The following CPNE3 variants were observed in gnomAD, a reference collection of about 807,000 sequenced individuals.
CPNE3 encodes copine 3.
Under a neutral mutation model 63.9 loss-of-function variants are expected in CPNE3, and 68 were observed. That is an observed-to-expected ratio of 1.06 (90% CI 0.87 to 1.30). CPNE3 has a LOEUF of 1.30. CPNE3 is among the 50% of genes most tolerant of loss of function. The pLI, the probability that CPNE3 is intolerant of heterozygous loss-of-function variation, is 0.00. For synonymous variants in CPNE3, 219 were observed against 197.5 expected, an observed-to-expected ratio of 1.11 and a Z score of -0.91; for missense variants, 665 against 578.1, an observed-to-expected ratio of 1.15 and a Z score of -1.54.
At chr8:86,525,420 A>T (rs1820520786) in intron 2 of CPNE3, among the ~76,000 whole-genome samples, 1 of 152,164 alleles carries the variant, frequency 6.6e-6, no homozygotes, top group Non-Finnish European at 1.5e-5. Context: ...TCCAGACCCT[A>T]GTGTTTATGT....
At chr8:86,540,193 G>T (rs1377981142) in intron 7 of CPNE3, 52 bp from the exon 8 acceptor site, 11 of 1,110,396 alleles carry the variant, frequency 9.9e-6, no homozygotes, top group Non-Finnish European at 1.5e-5. Flanking sequence ...GGAGCAAAAT[G>T]TTAATGAACT....
chr8:86,522,140 T>C (rs1043419471), intron 2 of CPNE3, among the ~76,000 whole-genome samples: 1 of 152,152 alleles, frequency 6.6e-6, no homozygotes, highest in African/African-American at 2.4e-5. Context: ...TAGTGGAGTA[T>C]AGTTTTAATC....
At chr8:86,530,416 C>T (rs753938052) in intron 4 of CPNE3, among the ~76,000 whole-genome samples, 1 of 152,170 alleles carries the variant, frequency 6.6e-6, no homozygotes, top group Non-Finnish European at 1.5e-5. Context: ...GCAATCCTCC[C>T]ACCTCAGCTT....
intron 14 of CPNE3, among the ~76,000 whole-genome samples, chr8:86,554,492 T>A (rs1821266884): frequency 6.6e-6 from 1 of 152,234 alleles, no homozygotes; most frequent in Non-Finnish European, 1.5e-5. Context: ...CTTTCTTACC[T>A]TTCATCATCA....
rs1433609498 is a variant in CPNE3, at chr8:86,528,968, G to T, written c.156G>T (p.Lys52Asn). 1 of 1,613,390 alleles carries T rather than the reference G, an allele frequency of 6.2e-7. No homozygotes were observed. ...WYEVERTERIKNCLNPQFSKT... is the reference protein window; with the variant it reads ...WYEVERTERINNCLNPQFSKT... ...AGGTTGAGCGCACAGAAAGGATTAA[G>T]AATTGCTTGAATCCCCAATTTTCCA... The change falls in exon 4 of 17, where the codon AAG (lysine) becomes AAT (asparagine). Residue 52 changes from lysine to asparagine, a missense_variant. Transcript: ENST00000517490.
intron 7 of CPNE3, among the ~76,000 whole-genome samples, chr8:86,539,302 T>C (rs1040060512): frequency 7.2e-5 from 11 of 152,184 alleles, no homozygotes. Flanking sequence ...GTTCCCCTTG[T>C]ACTTTTTCTG....
At chr8:86,545,165 A>G (rs1219358870) in intron 9 of CPNE3, 1 of 162,666 alleles carries the variant, frequency 6.1e-6, no homozygotes, top group Non-Finnish European at 1.3e-5. Context: ...CAAGGCAAAC[A>G]CAATGCAGGC....
rs771281496 is a variant in CPNE3, at chr8:86,528,637, G to A, written c.92G>A (p.Cys31Tyr). ...ATAGGGTCAAAGTCAGACCCTTTAT[G>A]TGTGTTGTTTTTGAATACAAGTGGT... ...KDIGSKSDPL[C>Y]VLFLNTSGQQ... Residue 31 changes from cysteine (C) to tyrosine (Y), a missense_variant, in exon 3 of 17, where the codon TGT becomes TAT. Physicochemically the swap from Cys to Tyr is radical, Grantham distance 194. Transcript: ENST00000517490. The A allele has an allele frequency of 7.4e-6, 12 of 1,613,874 alleles. No homozygotes were observed. The highest frequency in any genetic ancestry group is 5.5e-5 in the South Asian group (5 of 91,030).
chr8:86,551,280 T>A, intron 14 of CPNE3, 46 bp downstream of exon 14: 2 of 1,242,718 alleles, frequency 1.6e-6, no homozygotes, highest in Non-Finnish European at 2.4e-6. Flanking sequence ...AAAGGCTCAC[T>A]AGTCTTTGTT....
intron 12 of CPNE3, among the ~76,000 whole-genome samples, chr8:86,550,481 TTTTA>T (rs1821149666): frequency 6.6e-6 from 1 of 152,188 alleles, no homozygotes; most frequent in African/African-American, 2.4e-5. Context: ...CATTATGGTG[TTTTA>T]TAATGGCGGA....
At chr8:86,521,171 A>G (rs796693077) in intron 2 of CPNE3, among the ~76,000 whole-genome samples, 3 of 152,296 alleles carry the variant, frequency 2.0e-5, no homozygotes, top group African/African-American at 7.2e-5. Flanking sequence ...AAGACGATCT[A>G]ATGGCACCTA....
intron 2 of CPNE3, among the ~76,000 whole-genome samples, chr8:86,524,191 T>C (rs1820491999): frequency 1.3e-5 from 2 of 152,272 alleles, no homozygotes; most frequent in South Asian, 2.1e-4. Flanking sequence ...AGAATCTCTA[T>C]GACATCTTTA....
chr8:86,521,133 T>C (rs1820427228), intron 2 of CPNE3, among the ~76,000 whole-genome samples: 1 of 152,218 alleles, frequency 6.6e-6, no homozygotes, highest in Non-Finnish European at 1.5e-5. Flanking sequence ...AAGTGCAGTA[T>C]ATTCCTGAGA....
intron 2 of CPNE3, among the ~76,000 whole-genome samples, chr8:86,524,087 G>A (rs1180732286): frequency 6.6e-6 from 1 of 152,214 alleles, no homozygotes; most frequent in African/African-American, 2.4e-5. Context: ...AGGCAGGTGA[G>A]AGATACAGAA....
At chr8:86,550,077 G>A (rs1248608352) in intron 12 of CPNE3, among the ~76,000 whole-genome samples, 1 of 152,232 alleles carries the variant, frequency 6.6e-6, no homozygotes, top group African/African-American at 2.4e-5. Flanking sequence ...TAAAGTTTTA[G>A]AAGAAAGTGT....
intron 4 of CPNE3, among the ~76,000 whole-genome samples, chr8:86,530,699 T>C (rs1820658018): frequency 6.6e-6 from 1 of 151,368 alleles, no homozygotes; most frequent in Admixed American, 6.6e-5. Flanking sequence ...GATTTTTTTT[T>C]TTTTTTTTTG....
intron 6 of CPNE3, 46 bp downstream of exon 6, chr8:86,532,626 CT>C: frequency 6.6e-7 from 1 of 1,511,110 alleles, no homozygotes; most frequent in Admixed American, 1.9e-5. Flanking sequence ...TGTTTTGCCT[CT>C]TTTTTAAGAA....
chr8:86,540,280 T>G lies in CPNE3; in HGVS notation c.579T>G (p.Pro193=), dbSNP rs547332564. 1.2e-6 allele frequency: 2 copies of G among 1,609,328 alleles called. No homozygotes were observed. Among genetic ancestry groups the G allele is most frequent in the Admixed American group, 3.4e-5 (2 of 59,356 alleles). Residue 193 remains proline, a synonymous_variant, in exon 8 of 17, where the codon CCT becomes CCG. Transcript: ENST00000517490. Reference sequence around the variant, plus strand: ...ACAACTTGAATCCTGTTTGGAGGCCTTTCAAGATCTCTCTTAACTCACTGT... The same window carrying G: ...ACAACTTGAATCCTGTTTGGAGGCCGTTCAAGATCTCTCTTAACTCACTGT... The part of the protein sequence containing the change: ...VKNNLNPVWR[P]FKISLNSLCY...
rs60088535 is a variant in CPNE3 at position 86,537,987 on chromosome 8, T to TCTCA, written c.543+342_543+343insTCAC. On this transcript the variant is annotated intron_variant, in intron 7 of 16. Coordinates refer to ENST00000517490, the MANE Select transcript of CPNE3 (RefSeq NM_003909.5). ...CTCTGTCTCTCTCTCTCTCTCTCTCTCACACACACACACACACACACTTAT... is the reference window on the plus strand; with the variant it reads ...CTCTGTCTCTCTCTCTCTCTCTCTCTCTCACACACACACACACACACACACTTAT... Among the ~76,000 whole-genome samples the TCTCA allele has an allele frequency of 2.9e-3, 417 of 142,308 alleles. 5 individuals carry two copies. In the East Asian group the frequency reaches 0.04, roughly 14 times the overall value. 93.4% of individuals were successfully genotyped at this position (142,308 alleles called of 152,430 possible). A position where few individuals can be genotyped will look rare whatever the true frequency, so the allele number is the denominator to read the frequency against.
Sources: gnomAD v4.1 joint callset for allele counts (sites outside exome capture counted in the v4.1 genomes callset) on GRCh38, gnomAD v4.1.1 for gene constraint, MANE v1.5 for transcripts, NCBI Gene and HGNC (gene_info 2026-07-23, HGNC 2026-07-21) for gene names.